EPHA4: variants seen among roughly 807,000 people sequenced by gnomAD.
The protein encoded by EPHA4 is ephrin type-A receptor 4.
EPHA4 carries 19 observed loss-of-function variants against 108.3 expected under a neutral mutation model. That is an observed-to-expected ratio of 0.18 (90% CI 0.12 to 0.26). The LOEUF (loss-of-function observed/expected upper bound fraction) is 0.26, where lower values mean the gene tolerates loss of function less well. Ranked by LOEUF, EPHA4 falls within the 10% of genes least tolerant of loss-of-function variation. The probability of loss-of-function intolerance (pLI) is 1.00; values close to 1 mark genes in which losing one functional copy is unlikely to be tolerated. For synonymous variants in EPHA4, 449 were observed against 455.5 expected, an observed-to-expected ratio of 0.99 and a Z score of 0.18; for missense variants, 917 against 1,254.0, an observed-to-expected ratio of 0.73 and a Z score of 4.06.
intron 3 of EPHA4, among the ~76,000 whole-genome samples, chr2:221,540,066 T>C (rs996007463): frequency 5.9e-5 from 9 of 152,122 alleles, no homozygotes; most frequent in African/African-American, 2.2e-4. Flanking sequence ...ATTACAGGTG[T>C]GTGCCACCAT....
At chr2:221,474,838 C>T (rs893551068) in intron 5 of EPHA4, among the ~76,000 whole-genome samples, 1 of 152,072 alleles carries the variant, frequency 6.6e-6, no homozygotes, top group Non-Finnish European at 1.5e-5. Flanking sequence ...GACATCATCT[C>T]GGAGAGAAGA....
At chr2:221,475,799 A>T (rs1219972454) in intron 5 of EPHA4, among the ~76,000 whole-genome samples, 1 of 152,236 alleles carries the variant, frequency 6.6e-6, no homozygotes, top group Non-Finnish European at 1.5e-5. Context: ...TGTTGAACCC[A>T]TTAGAAATAT....
intron 9 of EPHA4, 77 bp from the exon 10 acceptor site, chr2:221,443,683 T>C (rs1007286444): frequency 2.9e-6 from 3 of 1,051,894 alleles, no homozygotes; most frequent in Non-Finnish European, 4.3e-6. Context: ...GGGTCTAAAA[T>C]TACCAAACAT....
intron 17 of EPHA4, 96 bp from the exon 18 acceptor site, chr2:221,420,648 G>A (rs939033872): frequency 6.6e-6 from 1 of 152,190 alleles, no homozygotes; most frequent in African/African-American, 2.4e-5. Flanking sequence ...TAGGTTCGTA[G>A]AAGTTGGTAT....
chr2:221,528,406 G>T (rs1236956126), intron 3 of EPHA4, among the ~76,000 whole-genome samples: 2 of 152,124 alleles, frequency 1.3e-5, no homozygotes, highest in Non-Finnish European at 2.9e-5. Context: ...CAAAATTCGA[G>T]CAGCCAATTC....
intron 2 of EPHA4, among the ~76,000 whole-genome samples, chr2:221,567,539 A>G (rs1022565303): frequency 4.6e-5 from 7 of 152,224 alleles, no homozygotes; most frequent in Non-Finnish European, 8.8e-5. Context: ...TCAGGAGAGA[A>G]CAAACCAATG....
chr2:221,509,869 C>T (rs545700635), intron 3 of EPHA4, among the ~76,000 whole-genome samples: 108 of 152,120 alleles, frequency 7.1e-4, no homozygotes, highest in Non-Finnish European at 1.5e-3. Context: ...GGAGACATAA[C>T]GGGAAAGGCC....
intron 8 of EPHA4, among the ~76,000 whole-genome samples, chr2:221,448,274 A>C (rs1050534465): frequency 1.3e-5 from 2 of 152,066 alleles, no homozygotes; most frequent in Non-Finnish European, 1.5e-5. Flanking sequence ...GAGGATCACC[A>C]CGTGCTCTCC....
intron 3 of EPHA4, among the ~76,000 whole-genome samples, chr2:221,557,054 G>C (rs1449727357): frequency 6.6e-6 from 1 of 152,064 alleles, no homozygotes; most frequent in Non-Finnish European, 1.5e-5. Context: ...AAACTCCACT[G>C]TTCACTCATG....
In EPHA4 at chr2:221,426,132, T is replaced by C. The variant is rs1689898687; in HGVS notation, c.2857A>G (p.Arg953Gly). The C allele has an allele frequency of 3.1e-6, 5 of 1,613,946 alleles. No homozygotes were observed. The highest frequency in any genetic ancestry group is 4.2e-6 in the Non-Finnish European group (5 of 1,179,968). The change falls in exon 17 of 18, where the codon AGA (arginine) becomes GGA (glycine). Residue 953 changes from arginine to glycine, a missense_variant. Physicochemically the swap from Arg to Gly is moderately radical, Grantham distance 125. Around this residue, in one of 3 missense-constraint regions of EPHA4, gnomAD observed 133 missense variants for 132.8 expected, o/e 1.00. Coordinates refer to ENST00000281821, the MANE Select transcript of EPHA4 (RefSeq NM_004438.5). Reference protein sequence around the residue: ...VVHVNQEDLARIGITAITHQN... With the variant: ...VVHVNQEDLAGIGITAITHQN... ...TGCGTGATGGCTGTGATACCAATTCTTGCCAGGTCCCTGTACATAGGGCGA... is the reference window on the plus strand; with the variant it reads ...TGCGTGATGGCTGTGATACCAATTCCTGCCAGGTCCCTGTACATAGGGCGA...
chr2:221,480,413 C>T (rs1371231077), intron 5 of EPHA4, among the ~76,000 whole-genome samples: 1 of 152,190 alleles, frequency 6.6e-6, no homozygotes, highest in Non-Finnish European at 1.5e-5. Flanking sequence ...GGATCATCAA[C>T]CAGATTCTCC....
intron 4 of EPHA4, among the ~76,000 whole-genome samples, chr2:221,497,666 G>C (rs1692338970): frequency 1.3e-5 from 2 of 151,464 alleles, no homozygotes; most frequent in Admixed American, 1.3e-4. Flanking sequence ...AACCCGGGAG[G>C]TGGAGGTTGC....
chr2:221,460,178 G>A lies in EPHA4; in HGVS notation c.1319-2188C>T, dbSNP rs145530010. On this transcript the variant is annotated intron_variant, in intron 5 of 17. Transcript: ENST00000281821. ...TTTCTAATGCAGCCCTACTTGGGAA[G>A]CTGATATGCATAAATGTGAAAATAA... is the stretch of plus-strand genomic sequence containing the variant. 1.1e-4 allele frequency among the ~76,000 whole-genome samples: 16 copies of A among 152,294 alleles called. 1 individual carries two copies. In the East Asian group the frequency reaches 3.1e-3, roughly 29 times the overall value.
In EPHA4 at chr2:221,436,530, C is replaced by T; in HGVS notation, c.2215G>A (p.Asp739Asn). 6.2e-7 allele frequency: 1 copy of T among 1,614,132 alleles called. No individual in the cohort carries two copies. Among genetic ancestry groups the T allele is most frequent in the Non-Finnish European group, 8.5e-7 (1 of 1,180,008 alleles). The change falls in exon 13 of 18, where the codon GAT becomes AAT. Residue 739 changes from aspartate to asparagine, a missense_variant. Physicochemically the swap from Asp to Asn is conservative, Grantham distance 23. Coordinates refer to ENST00000281821, the MANE Select transcript of EPHA4 (RefSeq NM_004438.5). Reference sequence around the variant, plus strand: ...AGATCACGATGCACATAGCTCATATCAGATAAATACTTCATCCCAGACCCA... The same window carrying T: ...AGATCACGATGCACATAGCTCATATTAGATAAATACTTCATCCCAGACCCA... Reference protein sequence around the residue: ...GIGSGMKYLSDMSYVHRDLAA... With the variant: ...GIGSGMKYLSNMSYVHRDLAA...
At chr2:221,540,380 A>G (rs73994299) in intron 3 of EPHA4, among the ~76,000 whole-genome samples, 3,053 of 152,302 alleles carry the variant, frequency 0.02, 104 homozygotes, top group African/African-American at 0.069. Flanking sequence ...CAGTTGTCAT[A>G]ACATCTCACA....
chr2:221,571,725 G>C lies in EPHA4; in HGVS notation c.91+433C>G, dbSNP rs899184970. Among the ~76,000 whole-genome samples the C allele has an allele frequency of 6.6e-6, 1 of 152,192 alleles. No homozygotes were observed. The highest frequency in any genetic ancestry group is 1.5e-5 in the Non-Finnish European group (1 of 68,036). On this transcript the variant is annotated intron_variant, in intron 1 of 17. Coordinates refer to ENST00000281821, the MANE Select transcript of EPHA4 (RefSeq NM_004438.5). This position sits in a 1 kb window ranked among gnomAD's most constrained non-coding sequence, Gnocchi z 6.3. ...GGAAACTTTGCAGAAACCAGAGCTCGAAAGGCTTTCGCTAGAATCCGGGAG... is the reference window on the plus strand; with the variant it reads ...GGAAACTTTGCAGAAACCAGAGCTCCAAAGGCTTTCGCTAGAATCCGGGAG...
At chr2:221,461,736 C>T (rs1691150829) in intron 5 of EPHA4, among the ~76,000 whole-genome samples, 1 of 152,118 alleles carries the variant, frequency 6.6e-6, no homozygotes, top group Non-Finnish European at 1.5e-5. Context: ...ACTAAAAGAA[C>T]TATTGGGAAA....
chr2:221,484,214 G>A (rs1201258309), intron 4 of EPHA4, among the ~76,000 whole-genome samples: 2 of 152,162 alleles, frequency 1.3e-5, no homozygotes, highest in Non-Finnish European at 2.9e-5. Context: ...AGATAGAATT[G>A]GAAGAGGTAA....
intron 3 of EPHA4, among the ~76,000 whole-genome samples, chr2:221,508,377 G>C (rs1289799785): frequency 6.6e-6 from 1 of 152,096 alleles, no homozygotes; most frequent in East Asian, 1.9e-4. Flanking sequence ...TCAGAAGCTT[G>C]AGACCAGCCT....
Sources: gnomAD v4.1 joint callset for allele counts (sites outside exome capture counted in the v4.1 genomes callset) on GRCh38, gnomAD v4.1.1 for gene constraint, gnomAD v4.1.1 regional missense constraint, Gnocchi (gnomAD v3.1) non-coding constraint, MANE v1.5 for transcripts, NCBI Gene and HGNC (gene_info 2026-07-23, HGNC 2026-07-21) for gene names.